DCUN1D2: variants seen among roughly 807,000 people sequenced by gnomAD.
DCUN1D2 encodes the protein DCN1-like protein 2.
DCUN1D2 carries 29 observed loss-of-function variants against 30.9 expected under a neutral mutation model. The ratio of observed to expected loss-of-function variants is 0.94; its 90% confidence interval spans 0.70 to 1.28. The LOEUF is 1.28. DCUN1D2 is among the 50% of genes most tolerant of loss of function. DCUN1D2 has a pLI of 0.00. For missense variants in DCUN1D2, 325 were observed against 316.9 expected, an observed-to-expected ratio of 1.03 and a Z score of -0.19; for synonymous variants, 121 against 115.3, an observed-to-expected ratio of 1.05 and a Z score of -0.32.
chr13:113,476,775 C>T (rs1044930028), intron 3 of DCUN1D2, among the ~76,000 whole-genome samples: 1 of 150,602 alleles, frequency 6.6e-6, no homozygotes, highest in Non-Finnish European at 1.5e-5. Context: ...AGACTTTTTG[C>T]TTTTGCCTTT....
intron 4 of DCUN1D2, among the ~76,000 whole-genome samples, chr13:113,473,503 T>C (rs763974377): frequency 3.9e-5 from 6 of 152,348 alleles, no homozygotes; most frequent in South Asian, 4.1e-4. Context: ...ATTGTTGGTA[T>C]GCGGGCTGGG....
intron 4 of DCUN1D2, among the ~76,000 whole-genome samples, chr13:113,468,234 CAT>C (rs1242239459): frequency 1.3e-5 from 2 of 152,046 alleles, no homozygotes; most frequent in South Asian, 2.1e-4. Context: ...GAAATTCTGA[CAT>C]ATACTACAAC....
intron 4 of DCUN1D2, among the ~76,000 whole-genome samples, chr13:113,465,490 AGAGAG>A (rs949285354): frequency 4.0e-5 from 6 of 151,158 alleles, no homozygotes; most frequent in African/African-American, 1.5e-4. Flanking sequence ...GTGAGGAAAC[AGAGAG>A]AAGTAAAAAA....
intron 4 of DCUN1D2, among the ~76,000 whole-genome samples, chr13:113,462,208 C>T (rs551155981): frequency 2.0e-5 from 3 of 150,488 alleles, no homozygotes; most frequent in Middle Eastern, 3.4e-3. Context: ...GCCGAGATTG[C>T]GCCACTGCAC....
chr13:113,459,471 T>C (rs565437684), intron 5 of DCUN1D2, 63 bp from the exon 6 acceptor site: 42 of 765,006 alleles, frequency 5.5e-5, no homozygotes, highest in South Asian at 5.2e-4. Context: ...CTCTCATATA[T>C]TCTAGTGGCC....
rs147830724 is a variant in DCUN1D2, at chr13:113,460,862, C to T, written c.603+192G>A. Among the ~76,000 whole-genome samples the T allele has an allele frequency of 4.2e-3, 639 of 152,326 alleles. 1 individual carries two copies. Among genetic ancestry groups the T allele is most frequent in the African/African-American group, 0.015 (615 of 41,560 alleles). On this transcript the variant is annotated intron_variant, in intron 5 of 6. Transcript: ENST00000478244. ...TGAGGAGGCCCCGGAGTGGCCCCAGCTCAGCCCTGCAGTCTCCGGCAAGGT... is the reference window on the plus strand; with the variant it reads ...TGAGGAGGCCCCGGAGTGGCCCCAGTTCAGCCCTGCAGTCTCCGGCAAGGT...
In DCUN1D2 at chr13:113,482,179, A is replaced by T. The variant is rs181004270; in HGVS notation, c.221-1436T>A. 2.7e-3 allele frequency among the ~76,000 whole-genome samples: 406 copies of T among 152,366 alleles called. 3 individuals carry two copies. Among genetic ancestry groups the T allele is most frequent in the African/African-American group, 9.4e-3 (390 of 41,592 alleles). On this transcript the variant is annotated intron_variant, in intron 2 of 6. Coordinates refer to ENST00000478244, the MANE Select transcript of DCUN1D2 (RefSeq NM_001014283.2). ...ATATGTTAATGTCATAACCAATGTT[A>T]TATTTGTCAACAGTCTTAGAACTAC...
intron 3 of DCUN1D2, chr13:113,479,227 A>C (rs886301098): frequency 5.9e-5 from 9 of 152,222 alleles, no homozygotes; most frequent in Non-Finnish European, 8.8e-5. Context: ...GATGTGTGTG[A>C]AAATTCCTCA....
intron 4 of DCUN1D2, among the ~76,000 whole-genome samples, chr13:113,467,553 G>C (rs942396230): frequency 1.3e-5 from 2 of 150,656 alleles, no homozygotes; most frequent in Non-Finnish European, 2.9e-5. Context: ...AGCTTATAAA[G>C]AGCAGTCTTG....
intron 3 of DCUN1D2, chr13:113,475,892 C>T (rs2044608704): frequency 6.6e-6 from 1 of 152,234 alleles, no homozygotes; most frequent in Non-Finnish European, 1.5e-5. Context: ...CATGGACAAT[C>T]AGACTTCTGG....
At chr13:113,458,281 G>C (rs2044259106) in intron 6 of DCUN1D2, among the ~76,000 whole-genome samples, 173 bp from the exon 7 acceptor site, 1 of 152,224 alleles carries the variant, frequency 6.6e-6, no homozygotes, top group African/African-American at 2.4e-5. Flanking sequence ...TTTCGCCCTA[G>C]CACGGCCAGG....
chr13:113,458,880 G>A (rs774341935), intron 6 of DCUN1D2, among the ~76,000 whole-genome samples: 12 of 152,192 alleles, frequency 7.9e-5, no homozygotes, highest in Non-Finnish European at 1.6e-4. Context: ...AGGCTCCAAA[G>A]GCCCTCCAAC....
intron 4 of DCUN1D2, among the ~76,000 whole-genome samples, chr13:113,473,304 C>T (rs905903605): frequency 6.6e-6 from 1 of 152,252 alleles, no homozygotes; most frequent in Non-Finnish European, 1.5e-5. Context: ...TCCCAGAGCC[C>T]AACCCAGCTT....
At chr13:113,486,347 T>C (rs569911570) in intron 1 of DCUN1D2, among the ~76,000 whole-genome samples, 131 of 152,234 alleles carry the variant, frequency 8.6e-4, no homozygotes, top group African/African-American at 3.1e-3. Flanking sequence ...AGGGCCTGCT[T>C]GAGGGTGGCA....
chr13:113,470,075 A>C (rs898566605), intron 4 of DCUN1D2, among the ~76,000 whole-genome samples: 5 of 152,236 alleles, frequency 3.3e-5, no homozygotes, highest in African/African-American at 1.2e-4. Flanking sequence ...ATAACATCTC[A>C]GCCAATGATA....
upstream of DCUN1D2, chr13:113,491,333 C>T (rs1271541117): frequency 6.5e-6 from 1 of 152,696 alleles, no homozygotes; most frequent in Non-Finnish European, 1.5e-5. Flanking sequence ...TTCCCTCCCT[C>T]CCTGGGGCTC....
At chr13:113,465,360 TGACCCAGACTTTCC>T (rs1490376838) in intron 4 of DCUN1D2, among the ~76,000 whole-genome samples, 12 of 152,214 alleles carry the variant, frequency 7.9e-5, no homozygotes, top group Admixed American at 3.9e-4. Context: ...AAGTAAAGCA[TGACCCAGACTTTCC>T]TTGAAAAATC....
rs200983746 is a variant in DCUN1D2 at position 113,459,377 on chromosome 13, G to A, written c.635C>T (p.Thr212Ile). ...EHHKRSIPRD[T>I]WNLLLDFGNM... ...TCCAAAGTCCAGCAGGAGGTTCCAG[G>A]TGTCCCTTGGAATTGATCTTTTGTG... Residue 212 changes from threonine (T) to isoleucine (I), a missense_variant, in exon 6 of 7, where the codon ACC (threonine) becomes ATC (isoleucine). Transcript: ENST00000478244. The A allele has an allele frequency of 4.1e-5, 66 of 1,597,010 alleles. No homozygotes were observed. Among genetic ancestry groups the A allele is most frequent in the Non-Finnish European group, 5.2e-5 (60 of 1,164,802 alleles).
intron 1 of DCUN1D2, among the ~76,000 whole-genome samples, chr13:113,485,927 G>A (rs961915281): frequency 3.3e-5 from 5 of 152,106 alleles, no homozygotes; most frequent in East Asian, 1.9e-4. Context: ...GAATGAACGC[G>A]AGATTCGAGA....
Sources: allele counts gnomAD v4.1 joint callset (sites outside exome capture counted in the v4.1 genomes callset), GRCh38; gene constraint gnomAD v4.1.1; transcripts MANE v1.5; gene names NCBI Gene and HGNC (gene_info 2026-07-23, HGNC 2026-07-21).